The following B3GNT3 variants were observed in gnomAD, a reference collection of about 807,000 sequenced individuals.
B3GNT3 encodes UDP-GlcNAc:betaGal beta-1,3-N-acetylglucosaminyltransferase 3, also known as N-acetyllactosaminide beta-1,3-N-acetylglucosaminyltransferase 3.
In B3GNT3, 7 loss-of-function variants were observed where a neutral mutation model predicts 11.6. The ratio of observed to expected loss-of-function variants is 0.60; its 90% confidence interval spans 0.34 to 1.13. The LOEUF is 1.13. B3GNT3 is among the 50% of genes most tolerant of loss of function. The pLI is 0.03. For missense variants in B3GNT3, 400 were observed against 507.4 expected (o/e 0.79, Z 2.03); for synonymous variants, 201 against 222.1 (o/e 0.90, Z 0.85).
intron 2 of B3GNT3, among the ~76,000 whole-genome samples, chr19:17,809,856 A>G (rs2147654593): frequency 6.6e-6 from 1 of 152,110 alleles, no homozygotes; most frequent in East Asian, 1.9e-4. Context: ...GTCCTCGAGT[A>G]GAGCAAGACA....
chr19:17,806,188 C>T (rs2094172822), intron 1 of B3GNT3, among the ~76,000 whole-genome samples: 1 of 150,766 alleles, frequency 6.6e-6, no homozygotes, highest in Non-Finnish European at 1.5e-5. Flanking sequence ...CCCATGTTGG[C>T]CAGGCTGCTG....
At chr19:17,795,925 G>T (rs903428139) in intron 1 of B3GNT3, among the ~76,000 whole-genome samples, 2 of 152,120 alleles carry the variant, frequency 1.3e-5, no homozygotes, top group East Asian at 3.9e-4. Context: ...CCTTGGCGAG[G>T]ATGAGTTGAG....
rs537646178 is a variant in B3GNT3 at position 17,800,172 on chromosome 19, C to T, written c.-51+4966C>T. ...GGCAGATCACTTGAGGTCAGGAGTT[C>T]GAGACCAGCCTGGCCAACGCGCTGA... On this transcript the variant is annotated intron_variant, in intron 1 of 2. Transcript: ENST00000318683. Among the ~76,000 whole-genome samples, 6 of 151,980 alleles carry T rather than the reference C, an allele frequency of 3.9e-5. No individual in the cohort carries two copies. The South Asian group carries it at 1.0e-3, about 26-fold the overall frequency.
chr19:17,803,781 C>A (rs1045787084), intron 1 of B3GNT3, among the ~76,000 whole-genome samples: 1 of 151,498 alleles, frequency 6.6e-6, no homozygotes. Flanking sequence ...AGCCCAGGAG[C>A]TGGAGGCTGC....
Position 17,808,485 on chromosome 19 carries a change from C to G in B3GNT3, c.567+111C>G, listed in dbSNP as rs187328625. 6.2e-6 allele frequency: 7 copies of G among 1,127,838 alleles called. No homozygotes were observed. In the East Asian group the frequency reaches 1.5e-4, roughly 25 times the overall value. 69.9% of individuals were successfully genotyped at this position (1,127,838 alleles called of 1,614,324 possible). A position where few individuals can be genotyped will look rare whatever the true frequency, so the allele number is the denominator to read the frequency against. On this transcript the variant is annotated intron_variant, in intron 2 of 2. Coordinates refer to ENST00000318683, the MANE Select transcript of B3GNT3 (RefSeq NM_014256.4). ...GAAGTCCTCGTCAGTCCATCACAGC[C>G]CATTCTGCCCCTCTGCTGTCCTCAC... is the stretch of plus-strand genomic sequence containing the variant.
In B3GNT3 at chr19:17,812,264, G is replaced by A. The variant is rs1668847931; in HGVS notation, c.*142G>A. On this transcript the variant is annotated 3_prime_UTR_variant, in exon 3 of 3. Coordinates refer to ENST00000318683, the MANE Select transcript of B3GNT3 (RefSeq NM_014256.4). ...TGAGGTTTGATGAGTGAATATTCTG[G>A]CTGGCGAACTCCTACACATCCTTCA... The A allele has an allele frequency of 1.1e-6, 1 of 914,832 alleles. No homozygotes were observed. Among genetic ancestry groups the A allele is most frequent in the Admixed American group, 2.9e-5 (1 of 34,078 alleles). 56.7% of individuals were successfully genotyped at this position (914,832 alleles called of 1,614,324 possible).
intron 1 of B3GNT3, among the ~76,000 whole-genome samples, chr19:17,795,980 G>A (rs1352143266): frequency 1.3e-5 from 2 of 152,132 alleles, no homozygotes; most frequent in Non-Finnish European, 2.9e-5. Flanking sequence ...GGGACAGTCA[G>A]CTGTCATCAT....
intron 1 of B3GNT3, among the ~76,000 whole-genome samples, chr19:17,803,369 G>A (rs1157668607): frequency 2.0e-5 from 3 of 152,174 alleles, no homozygotes; most frequent in African/African-American, 7.2e-5. Context: ...TGGGAAAGAT[G>A]GCAGCAGAGA....
chr19:17,800,706 C>G (rs1389024295), intron 1 of B3GNT3, among the ~76,000 whole-genome samples: 1 of 152,032 alleles, frequency 6.6e-6, no homozygotes, highest in Non-Finnish European at 1.5e-5. Flanking sequence ...GTGGCTCATG[C>G]CTGTAATCCC....
In B3GNT3 at chr19:17,812,560, G is replaced by A. The variant is rs565790844; in HGVS notation, c.*438G>A. On this transcript the variant is annotated 3_prime_UTR_variant, in exon 3 of 3. Coordinates refer to ENST00000318683, the MANE Select transcript of B3GNT3 (RefSeq NM_014256.4). ...CCAGAAACTCCTGTGTCCACATAGA[G>A]CTGACGTGAGAAATATCTTTCAGCC... 27 of 173,614 alleles carry A rather than the reference G, an allele frequency of 1.6e-4. No homozygotes were observed. Among genetic ancestry groups the A allele is most frequent in the Non-Finnish European group, 2.8e-4 (23 of 81,064 alleles). 10.8% of individuals were successfully genotyped at this position (173,614 alleles called of 1,614,324 possible). A position where few individuals can be genotyped will look rare whatever the true frequency, so the allele number is the denominator to read the frequency against.
chr19:17,803,871 A>ATTT (rs771767228), intron 1 of B3GNT3, among the ~76,000 whole-genome samples: 38 of 147,996 alleles, frequency 2.6e-4, no homozygotes, highest in South Asian at 1.9e-3. Flanking sequence ...AAAAAAAAAA[A>ATTT]TTTTTAATTA....
At chr19:17,806,778 C>T (rs2094173490) in intron 1 of B3GNT3, among the ~76,000 whole-genome samples, 2 of 151,908 alleles carry the variant, frequency 1.3e-5, no homozygotes, top group Admixed American at 1.3e-4. Context: ...ACGGTGAAAC[C>T]TTGTCTCTCC....
chr19:17,811,581 T>TA lies in B3GNT3; in HGVS notation c.579dup (p.Gln194ThrfsTer18). 6.2e-7 allele frequency: 1 copy of TA among 1,611,468 alleles called. No individual in the cohort carries two copies. The highest frequency in any genetic ancestry group is 8.5e-7 in the Non-Finnish European group (1 of 1,178,204). On this transcript the variant is annotated frameshift_variant, in exon 3 of 3. Coordinates refer to ENST00000318683, the MANE Select transcript of B3GNT3 (RefSeq NM_014256.4). LOFTEE classifies it low-confidence loss of function (END_TRUNC). This position sits in a 1 kb window ranked among gnomAD's most constrained non-coding sequence, Gnocchi z 4.1. ...CCACCCTGCCTGCAGGTCCTGTTCTTACAGTGGCAGGAGACAAGGTGCGCC... is the reference window on the plus strand; with the variant it reads ...CCACCCTGCCTGCAGGTCCTGTTCTTAACAGTGGCAGGAGACAAGGTGCGCC...
chr19:17,802,805 G>C (rs1488956278), intron 1 of B3GNT3, among the ~76,000 whole-genome samples: 1 of 152,046 alleles, frequency 6.6e-6, no homozygotes, highest in Non-Finnish European at 1.5e-5. Flanking sequence ...AGCCTCCCGA[G>C]TAGCTGGGAC....
chr19:17,804,871 C>T (rs2094171180), intron 1 of B3GNT3, among the ~76,000 whole-genome samples: 1 of 151,738 alleles, frequency 6.6e-6, no homozygotes, highest in African/African-American at 2.4e-5. Context: ...ACCTTATTTT[C>T]TAAACCTGCA....
chr19:17,808,586 A>C (rs2094176809), intron 2 of B3GNT3, among the ~76,000 whole-genome samples: 1 of 152,190 alleles, frequency 6.6e-6, no homozygotes, highest in Non-Finnish European at 1.5e-5. Flanking sequence ...GGTTACTAGC[A>C]CAGAGCTCAA....
At chr19:17,801,410 G>A (rs2147647292) in intron 1 of B3GNT3, among the ~76,000 whole-genome samples, 1 of 151,706 alleles carries the variant, frequency 6.6e-6, no homozygotes, top group African/African-American at 2.4e-5. Flanking sequence ...CCAAACTCTT[G>A]GGCTCAAGTG....
chr19:17,804,385 A>G (rs1405007086), intron 1 of B3GNT3, among the ~76,000 whole-genome samples: 7 of 149,402 alleles, frequency 4.7e-5, no homozygotes. Flanking sequence ...GATTACAGAC[A>G]CGCACCACCA....
intron 1 of B3GNT3, among the ~76,000 whole-genome samples, chr19:17,803,337 A>G (rs964705194): frequency 4.6e-5 from 7 of 152,260 alleles, no homozygotes; most frequent in Admixed American, 2.0e-4. Flanking sequence ...GCTGGAGCAG[A>G]TGAGTGAGGG....
Sources: gnomAD v4.1 joint callset for allele counts (sites outside exome capture counted in the v4.1 genomes callset) on GRCh38, gnomAD v4.1.1 for gene constraint, Gnocchi (gnomAD v3.1) non-coding constraint, MANE v1.5 for transcripts, NCBI Gene and HGNC (gene_info 2026-07-23, HGNC 2026-07-21) for gene names.